Variants in SKAP1 observed in about 807,000 individuals in gnomAD.
The protein encoded by SKAP1 is src kinase-associated phosphoprotein 1.
SKAP1 carries 44 observed loss-of-function variants against 58.5 expected under a neutral mutation model. The observed-to-expected ratio is 0.75, with a 90% CI of 0.59 to 0.97. The LOEUF (loss-of-function observed/expected upper bound fraction) is 0.97, where lower values mean the gene tolerates loss of function less well. Among genes scored for constraint, SKAP1 ranks in the 50% least tolerant of loss-of-function variants. The pLI, the probability that SKAP1 is intolerant of heterozygous loss-of-function variation, is 0.00. For synonymous variants in SKAP1, 127 were observed against 149.7 expected, an observed-to-expected ratio of 0.85 and a Z score of 1.11; for missense variants, 390 against 435.2, an observed-to-expected ratio of 0.90 and a Z score of 0.92.
chr17:48,160,796 T>C (rs1484735938), intron 11 of SKAP1, among the ~76,000 whole-genome samples: 1 of 152,242 alleles, frequency 6.6e-6, no homozygotes, highest in Non-Finnish European at 1.5e-5. Flanking sequence ...AGAGGCCTGG[T>C]CACACCTGAG....
At chr17:48,396,845 A>G (rs2067425276) in intron 1 of SKAP1, 60 bp from the exon 2 acceptor site, 3 of 1,248,918 alleles carry the variant, frequency 2.4e-6, no homozygotes, top group Non-Finnish European at 1.2e-6. Context: ...AAGGAAAATC[A>G]GAAGGATTAA....
At chr17:48,216,342 C>T (rs575853631) in intron 4 of SKAP1, among the ~76,000 whole-genome samples, 1 of 152,278 alleles carries the variant, frequency 6.6e-6, no homozygotes, top group South Asian at 2.1e-4. Flanking sequence ...GAGATTCTAT[C>T]TTGACAACAT....
chr17:48,269,892 C>T (rs1275530399), intron 4 of SKAP1, among the ~76,000 whole-genome samples: 1 of 152,094 alleles, frequency 6.6e-6, no homozygotes, highest in South Asian at 2.1e-4. Context: ...TCGGGAGTAT[C>T]ACCTGAGGTC....
intron 2 of SKAP1, among the ~76,000 whole-genome samples, chr17:48,373,688 A>G (rs1191232005): frequency 6.6e-6 from 1 of 152,106 alleles, no homozygotes; most frequent in Non-Finnish European, 1.5e-5. Flanking sequence ...TGTGGGTGAA[A>G]TGTAACACTT....
intron 4 of SKAP1, among the ~76,000 whole-genome samples, chr17:48,253,728 C>T (rs200420796): frequency 3.3e-4 from 16 of 47,972 alleles, no homozygotes; most frequent in Non-Finnish European, 4.2e-4. Context: ...CCTTCCTTAT[C>T]TCTCTCTGAG....
chr17:48,188,669 G>C (rs930760082), intron 5 of SKAP1, among the ~76,000 whole-genome samples: 67 of 151,714 alleles, frequency 4.4e-4, no homozygotes, highest in Non-Finnish European at 1.3e-4. Flanking sequence ...CTTGGTAATA[G>C]AGGGAGATCC....
At chr17:48,195,899 C>T (rs193056505) in intron 4 of SKAP1, among the ~76,000 whole-genome samples, 2 of 151,926 alleles carry the variant, frequency 1.3e-5, no homozygotes, top group Admixed American at 1.3e-4. Context: ...TCCTGTTATA[C>T]TGAAGACAAA....
the SKAP1 span, among the ~76,000 whole-genome samples, chr17:48,437,741 CAA>C: frequency 6.3e-4 from 41 of 65,530 alleles, no homozygotes; most frequent in African/African-American, 2.2e-3. Context: ...GACTCTGTCT[CAA>C]AAAAAAAAAA....
intron 11 of SKAP1, chr17:48,156,367 TCGTGG>T: frequency 3.7e-6 from 1 of 271,780 alleles, no homozygotes; most frequent in Non-Finnish European, 7.8e-6. Context: ...GTCGCCGGCA[TCGTGG>T]GAAGTAATTT....
chr17:48,249,711 A>G (rs530196863), intron 4 of SKAP1, among the ~76,000 whole-genome samples: 2 of 152,158 alleles, frequency 1.3e-5, no homozygotes, highest in South Asian at 4.2e-4. Flanking sequence ...ACCACTTCAC[A>G]ATTCTTTCCT....
Position 48,404,435 on chromosome 17 carries a change from A to G in SKAP1, c.47-7650T>C, listed in dbSNP as rs1358018110. On this transcript the variant is annotated intron_variant, in intron 1 of 12. Transcript: ENST00000336915. Reference sequence around the variant, plus strand: ...CCATTGCACTCCAGCCTGGGCAAGAAGGGTGAAACTCTATAGAAACAAAAC... The same window carrying G: ...CCATTGCACTCCAGCCTGGGCAAGAGGGGTGAAACTCTATAGAAACAAAAC... 1.3e-5 allele frequency among the ~76,000 whole-genome samples: 2 copies of G among 152,282 alleles called. 1 individual carries two copies.
chr17:48,440,115 A>G, the SKAP1 span, among the ~76,000 whole-genome samples: 1 of 152,156 alleles, frequency 6.6e-6, no homozygotes, highest in Non-Finnish European at 1.5e-5. Context: ...AATATCAACC[A>G]CATGCACAGA....
chr17:48,177,920 T>G (rs1296297075), intron 9 of SKAP1, among the ~76,000 whole-genome samples: 1 of 152,180 alleles, frequency 6.6e-6, no homozygotes, highest in Non-Finnish European at 1.5e-5. Context: ...AAAGAGATCC[T>G]GGATTTCCTA....
chr17:48,375,572 C>T (rs890189528), intron 2 of SKAP1, among the ~76,000 whole-genome samples: 6 of 152,164 alleles, frequency 3.9e-5, no homozygotes, highest in African/African-American at 1.4e-4. Context: ...CCTTCCCCTA[C>T]TTTCTAGCAT....
chr17:48,163,257 A>T (rs1369082004), intron 10 of SKAP1, among the ~76,000 whole-genome samples: 1 of 152,190 alleles, frequency 6.6e-6, no homozygotes, highest in Non-Finnish European at 1.5e-5. Context: ...TGCAAGCCCC[A>T]GGGGAACAGA....
chr17:48,339,062 C>T (rs1215596366), intron 4 of SKAP1, among the ~76,000 whole-genome samples: 1 of 152,150 alleles, frequency 6.6e-6, no homozygotes, highest in Non-Finnish European at 1.5e-5. Context: ...TAGAAATCCA[C>T]CAGGTTCATG....
chr17:48,310,382 A>C (rs537438558), intron 4 of SKAP1, among the ~76,000 whole-genome samples: 39 of 152,020 alleles, frequency 2.6e-4, no homozygotes, highest in African/African-American at 9.4e-4. Context: ...GTGAAGAAAA[A>C]CTCCACAGTT....
At chr17:48,264,926 G>A (rs1437494598) in intron 4 of SKAP1, among the ~76,000 whole-genome samples, 1 of 152,082 alleles carries the variant, frequency 6.6e-6, no homozygotes, top group Non-Finnish European at 1.5e-5. Flanking sequence ...GCTGGCATGG[G>A]GAGCTGAAGT....
At chr17:48,353,525 T>C (rs371337545) in intron 3 of SKAP1, among the ~76,000 whole-genome samples, 4 of 152,302 alleles carry the variant, frequency 2.6e-5, no homozygotes, top group East Asian at 1.9e-4. Context: ...TATGCCCCAA[T>C]TGGTAAGCCA....
Sources: allele counts gnomAD v4.1 joint callset (sites outside exome capture counted in the v4.1 genomes callset), GRCh38; gene constraint gnomAD v4.1.1; transcripts MANE v1.5; gene names NCBI Gene and HGNC (gene_info 2026-07-23, HGNC 2026-07-21).